SALL1: variants seen among roughly 807,000 people sequenced by gnomAD.
SALL1 encodes the protein spalt like transcription factor 1.
SALL1 carries 10 observed loss-of-function variants against 73.1 expected under a neutral mutation model. That is an observed-to-expected ratio of 0.14 (90% CI 0.08 to 0.23). The LOEUF is 0.23. Among genes scored for constraint, SALL1 ranks in the 10% least tolerant of loss-of-function variants. SALL1 has a pLI of 1.00. For synonymous variants in SALL1, 688 were observed against 689.8 expected (o/e 1.00, Z 0.04); for missense variants, 1,520 against 1,697.3 (o/e 0.90, Z 1.84).
intron 1 of SALL1, among the ~76,000 whole-genome samples, chr16:51,145,718 A>C (rs1313669993): frequency 3.3e-5 from 5 of 152,214 alleles, no homozygotes; most frequent in African/African-American, 1.2e-4. Flanking sequence ...TGAGAAAATA[A>C]AAATAAAACT....
At position 51,139,988 on chromosome 16, in the gene SALL1, G is replaced by C; in HGVS notation, c.2234C>G (p.Thr745Arg). 1 of 1,614,210 alleles carries C rather than the reference G, an allele frequency of 6.2e-7. No homozygotes were observed. Among genetic ancestry groups the C allele is most frequent in the Non-Finnish European group, 8.5e-7 (1 of 1,180,040 alleles). The change falls in exon 2 of 3, where the codon ACG becomes AGG. Residue 745 changes from threonine (T) to arginine (R), a missense_variant. By Grantham distance (71) the Thr-to-Arg change is moderately conservative (BLOSUM62 -1). Coordinates refer to ENST00000251020, the MANE Select transcript of SALL1 (RefSeq NM_002968.3). ...GTAGTGGGTTTTAAGATTCCCTTTCGTGGTGAAAGCCCGGCCACAGATCTT... is the reference window on the plus strand; with the variant it reads ...GTAGTGGGTTTTAAGATTCCCTTTCCTGGTGAAAGCCCGGCCACAGATCTT... ...KCKICGRAFTTKGNLKTHYSV... is the reference protein window; with the variant it reads ...KCKICGRAFTRKGNLKTHYSV...
chr16:51,140,423 G>A lies in SALL1; in HGVS notation c.1799C>T (p.Ser600Leu), dbSNP rs1478555114. 28 of 1,613,948 alleles carry A rather than the reference G, an allele frequency of 1.7e-5. No homozygotes were observed. The highest frequency in any genetic ancestry group is 2.4e-5 in the Non-Finnish European group (28 of 1,179,982). Residue 600 changes from serine to leucine, a missense_variant, in exon 2 of 3, where the codon TCA (serine) becomes TTA (leucine). Transcript: ENST00000251020. The surrounding 1 kb of genome is among the most constrained non-coding windows in gnomAD (Gnocchi z 5.7). ...GAGCCCACCTAGGTTTCTTGTGGCT[G>A]ACTCAGGGCCCCCGGAGTCACTTTT... is the stretch of plus-strand genomic sequence containing the variant. ...SVKSDSGGPE[S>L]ATRNLGGLPE...
chr16:51,140,364 A>C lies in SALL1; in HGVS notation c.1858T>G (p.Ser620Ala). The C allele has an allele frequency of 6.2e-7, 1 of 1,614,058 alleles. No individual in the cohort carries two copies. Among genetic ancestry groups the C allele is most frequent in the Non-Finnish European group, 8.5e-7 (1 of 1,180,002 alleles). ...EEAEGSTLPPSGGKSEESGMV... is the reference protein window; with the variant it reads ...EEAEGSTLPPAGGKSEESGMV... ...CCACTCTCTTCGCTTTTGCCACCAG[A>C]GGGTGGCAGAGTGGACCCTTCGGCT... The change falls in exon 2 of 3, where the codon TCT becomes GCT. Residue 620 changes from serine (S) to alanine (A), a missense_variant. Physicochemically the swap from Ser to Ala is moderately conservative, Grantham distance 99. Coordinates refer to ENST00000251020, the MANE Select transcript of SALL1 (RefSeq NM_002968.3). This position sits in a 1 kb window ranked among gnomAD's most constrained non-coding sequence, Gnocchi z 5.7.
chr16:51,137,590 G>C, intron 2 of SALL1, 38 bp from the exon 3 acceptor site: 3 of 1,504,810 alleles, frequency 2.0e-6, no homozygotes, highest in Non-Finnish European at 2.8e-6. Context: ...GACAGAGAGA[G>C]AGAGAGAAAA....
chr16:51,150,272 G>A (rs1047737206), intron 1 of SALL1: 4 of 355,442 alleles, frequency 1.1e-5, no homozygotes, highest in African/African-American at 6.6e-5. Context: ...TTTCAGGGGG[G>A]ATTCCACTCT....
Position 51,142,115 on chromosome 16 carries a change from G to A in SALL1, c.107C>T (p.Pro36Leu), listed in dbSNP as rs748874117. The A allele has an allele frequency of 8.7e-6, 14 of 1,613,324 alleles. No homozygotes were observed. The highest frequency in any genetic ancestry group is 1.7e-5 in the Admixed American group (1 of 59,978). Residue 36 changes from proline to leucine, a missense_variant, in exon 2 of 3, where the codon CCT (proline) becomes CTT (leucine). Physicochemically the swap from Pro to Leu is moderately conservative, Grantham distance 98 (BLOSUM62 -3). Transcript: ENST00000251020. ...GACGTGGGCATCCTTGCTCTTAGTA[G>A]GGCGACTCGGTTGACCCTTTTCTGT... ...GDTEKGQPSR[P>L]TKSKDAHVCG...
At chr16:51,152,138 C>T (rs8049842), upstream of SALL1, 451 of 152,266 alleles carry the variant, frequency 3.0e-3, 2 homozygotes, top group African/African-American at 0.01. Context: ...CCCTGGATCC[C>T]GGGCTCGCGG....
In SALL1 at chr16:51,141,485, A is replaced by C; in HGVS notation, c.737T>G (p.Leu246Trp). The C allele has an allele frequency of 1.9e-6, 3 of 1,614,144 alleles. No homozygotes were observed. The highest frequency in any genetic ancestry group is 2.5e-6 in the Non-Finnish European group (3 of 1,180,032). Residue 246 changes from leucine to tryptophan, a missense_variant, in exon 2 of 3, where the codon TTG becomes TGG. Transcript: ENST00000251020. The surrounding 1 kb of genome is among the most constrained non-coding windows in gnomAD (Gnocchi z 5.4). ...LQQQQIHQLQ[L>W]IEQIRHQILL... ...TATTTGGTGACGAATCTGTTCGATC[A>C]ATTGCAGCTGGTGGATCTGCTGCTG...
At chr16:51,146,110 A>G (rs902998668) in intron 1 of SALL1, among the ~76,000 whole-genome samples, 1 of 151,488 alleles carries the variant, frequency 6.6e-6, no homozygotes, top group Non-Finnish European at 1.5e-5. Flanking sequence ...TATGCTGTGC[A>G]TATTTTCTGT....
At chr16:51,143,514 A>C (rs1219887752) in intron 1 of SALL1, 1 of 163,114 alleles carries the variant, frequency 6.1e-6, no homozygotes, top group Non-Finnish European at 1.4e-5. Context: ...TCCAAATTGA[A>C]TCTCCCAGAA....
intron 1 of SALL1, chr16:51,149,686 C>T (rs1226651976): frequency 1.3e-5 from 2 of 152,150 alleles, no homozygotes; most frequent in African/African-American, 4.8e-5. Context: ...TTTACAGGGA[C>T]CCCAAGTCAG....
chr16:51,150,501 G>GC (rs1567319183), intron 1 of SALL1: 45 of 985,714 alleles, frequency 4.6e-5, no homozygotes, highest in Non-Finnish European at 5.4e-5. Flanking sequence ...ACAACTGGCG[G>GC]CCAGCAGCAC....
Position 51,139,310 on chromosome 16 carries a change from T to C in SALL1, c.2912A>G (p.Asp971Gly). Reference protein sequence around the residue: ...SPTPVNGGALDLTSSHAEKII... With the variant: ...SPTPVNGGALGLTSSHAEKII... ...TTTCTCTGCGTGACTAGATGTCAAA[T>C]CCAAAGCCCCACCATTCACTGGGGT... The change falls in exon 2 of 3, where the codon GAT becomes GGT. Residue 971 changes from aspartate (D) to glycine (G), a missense_variant. Coordinates refer to ENST00000251020, the MANE Select transcript of SALL1 (RefSeq NM_002968.3). 1 of 1,614,120 alleles carries C rather than the reference T, an allele frequency of 6.2e-7. No homozygotes were observed. The highest frequency in any genetic ancestry group is 1.1e-5 in the South Asian group (1 of 91,066).
At chr16:51,148,255 C>G (rs1962546874) in intron 1 of SALL1, among the ~76,000 whole-genome samples, 1 of 152,218 alleles carries the variant, frequency 6.6e-6, no homozygotes, top group South Asian at 2.1e-4. Flanking sequence ...GCAGGACACA[C>G]AACACCAAGC....
chr16:51,151,906 G>C (rs1962623043), upstream of SALL1, among the ~76,000 whole-genome samples: 1 of 151,726 alleles, frequency 6.6e-6, no homozygotes, highest in African/African-American at 2.4e-5. Flanking sequence ...GCCGGCCCGC[G>C]GGGGGAGGGA....
At chr16:51,151,554 G>A (rs1266266637), upstream of SALL1, among the ~76,000 whole-genome samples, 1 of 151,814 alleles carries the variant, frequency 6.6e-6, no homozygotes, top group Non-Finnish European at 1.5e-5. Context: ...TCCGCGCGCT[G>A]GCCCAATAAG....
rs1288798415 is a variant in SALL1, at chr16:51,140,118, C to T, written c.2104G>A (p.Ala702Thr). The T allele has an allele frequency of 6.2e-7, 1 of 1,614,156 alleles. No homozygotes were observed. The highest frequency in any genetic ancestry group is 1.7e-5 in the Admixed American group (1 of 60,020). The change falls in exon 2 of 3, where the codon GCC becomes ACC. Residue 702 changes from alanine to threonine, a missense_variant. Physicochemically the swap from Ala to Thr is moderately conservative, Grantham distance 58. Around this residue, in one of 7 missense-constraint regions of SALL1, gnomAD observed 276 missense variants for 259.1 expected, o/e 1.07. Transcript: ENST00000251020. This position sits in a 1 kb window ranked among gnomAD's most constrained non-coding sequence, Gnocchi z 5.7. Reference protein sequence around the residue: ...QQLVENIDKKATDPNECIICH... With the variant: ...QQLVENIDKKTTDPNECIICH... The stretch of plus-strand genomic sequence containing the variant: ...ATGATGCACTCATTGGGGTCAGTGG[C>T]CTTCTTGTCAATGTTTTCTACCAGT...
At chr16:51,142,763 C>T (rs189105539) in intron 1 of SALL1, among the ~76,000 whole-genome samples, 3 of 152,284 alleles carry the variant, frequency 2.0e-5, no homozygotes, top group South Asian at 2.1e-4. Context: ...TCCTCCAGAC[C>T]GTTCCTCAAA....
In SALL1 at chr16:51,137,082, A is replaced by AT. The variant is rs1567313854; in HGVS notation, c.*29dup. 6.2e-7 allele frequency: 1 copy of AT among 1,610,392 alleles called. No homozygotes were observed. Among genetic ancestry groups the AT allele is most frequent in the Non-Finnish European group, 8.5e-7 (1 of 1,176,942 alleles). On this transcript the variant is annotated 3_prime_UTR_variant, in exon 3 of 3. Coordinates refer to ENST00000251020, the MANE Select transcript of SALL1 (RefSeq NM_002968.3). ...ACCATAGGTCGCATTCTGAACAGGAATGAATGCTATGTCTCCAGCCCGAGC... is the reference window on the plus strand; with the variant it reads ...ACCATAGGTCGCATTCTGAACAGGAATTGAATGCTATGTCTCCAGCCCGAGC...
Sources: gnomAD v4.1 joint callset for allele counts (sites outside exome capture counted in the v4.1 genomes callset) on GRCh38, gnomAD v4.1.1 for gene constraint, gnomAD v4.1.1 regional missense constraint, Gnocchi (gnomAD v3.1) non-coding constraint, MANE v1.5 for transcripts, NCBI Gene and HGNC (gene_info 2026-07-23, HGNC 2026-07-21) for gene names.